The following ZNF469 variants were observed in gnomAD, a reference collection of about 807,000 sequenced individuals.
The protein encoded by ZNF469 is zinc finger protein 469.
Under a neutral mutation model 1.0 loss-of-function variants are expected in ZNF469, and 1 was observed. The observed-to-expected ratio is 1.00, with a 90% CI of 0.35 to 4.73. The LOEUF is 4.73. Among genes scored for constraint, ZNF469 ranks in the 30% most tolerant of loss-of-function variants. The pLI, the probability that ZNF469 is intolerant of heterozygous loss-of-function variation, is 0.16. For missense variants in ZNF469, 6,100 were observed against 5,356.3 expected (o/e 1.14, Z -4.33); for synonymous variants, 2,703 against 2,363.4 (o/e 1.14, Z -4.17).
the ZNF469 span, among the ~76,000 whole-genome samples, chr16:88,304,404 A>C: frequency 1.3e-5 from 2 of 152,226 alleles, no homozygotes; most frequent in South Asian, 4.1e-4. Flanking sequence ...GAAACTGAGA[A>C]GGGCCAGGAC....
the ZNF469 span, among the ~76,000 whole-genome samples, chr16:88,369,296 G>T: frequency 6.6e-6 from 1 of 152,174 alleles, no homozygotes; most frequent in South Asian, 2.1e-4. Context: ...CTGCCCTTGG[G>T]ACGCCACATG....
the ZNF469 span, among the ~76,000 whole-genome samples, chr16:88,286,897 A>G: frequency 2.6e-4 from 39 of 152,152 alleles, no homozygotes; most frequent in Admixed American, 1.2e-3. Context: ...GCTCTGGGGA[A>G]CTCGCTCAGG....
rs1365341183 is a variant in ZNF469, at chr16:88,428,105, A to C, written c.635A>C (p.Gln212Pro). 6.5e-7 allele frequency: 1 copy of C among 1,549,486 alleles called. No individual in the cohort carries two copies. The highest frequency in any genetic ancestry group is 8.7e-7 in the Non-Finnish European group (1 of 1,146,544). ...AGGCCCCCAGCCCCGGGGCCCCCCC[A>C]GAGCAGGGGCACCAGCCCCCTCCAG... ...TPRPPAPGPP[Q>P]SRGTSPLQPG... is the part of the protein sequence containing the mutation. The change falls in exon 3 of 3, where the codon CAG (glutamine) becomes CCG (proline). Residue 212 changes from glutamine (Q) to proline (P), a missense_variant. Gln to Pro is a moderately conservative substitution (Grantham distance 76). Coordinates refer to ENST00000565624, the MANE Select transcript of ZNF469 (RefSeq NM_001367624.2).
chr16:88,148,868 G>A, the ZNF469 span, among the ~76,000 whole-genome samples: 5 of 152,144 alleles, frequency 3.3e-5, no homozygotes, highest in African/African-American at 1.2e-4. Flanking sequence ...CTCTTGTGCC[G>A]GGGGGTTCAT....
At chr16:88,350,171 G>A in the ZNF469 span, among the ~76,000 whole-genome samples, 4 of 152,184 alleles carry the variant, frequency 2.6e-5, no homozygotes, top group Admixed American at 1.3e-4. Context: ...CACTGTCCAC[G>A]TTTAAACACA....
the ZNF469 span, among the ~76,000 whole-genome samples, chr16:88,359,551 C>T: frequency 2.6e-5 from 4 of 152,234 alleles, no homozygotes; most frequent in East Asian, 1.9e-4. Flanking sequence ...TCTTAAACAT[C>T]GTTGGCTATC....
chr16:88,239,695 ATATATATATATATATATATATTTTTTTTT>A, the ZNF469 span, among the ~76,000 whole-genome samples: 12 of 5,722 alleles, frequency 2.1e-3, 2 homozygotes, highest in Non-Finnish European at 2.6e-3. Context: ...ATATATATAT[ATATATATATATATATATATATTTTTTTTT>A]TTTTTTTTTT....
chr16:88,403,465 C>T (rs12102870), intron 1 of ZNF469, among the ~76,000 whole-genome samples: 64,287 of 151,756 alleles, frequency 0.42, 13,763 homozygotes, highest in Middle Eastern at 0.46. Flanking sequence ...GAGCTCACAC[C>T]GCCATCTCGG....
chr16:88,432,833 G>A lies in ZNF469; in HGVS notation c.5363G>A (p.Arg1788Gln), dbSNP rs763345014. 1.4e-5 allele frequency: 22 copies of A among 1,550,330 alleles called. No homozygotes were observed. In the South Asian group the frequency reaches 1.9e-4, roughly 13 times the overall value. Residue 1788 changes from arginine (R) to glutamine (Q), a missense_variant, in exon 3 of 3, where the codon CGA (arginine) becomes CAA (glutamine). Arg to Gln is a conservative substitution (Grantham distance 43, BLOSUM62 1). Transcript: ENST00000565624. The part of the protein sequence containing the change: ...PEPGTADQPH[R>Q]GAPAPEAFGS... ...CCCGGCACAGCAGACCAGCCCCACC[G>A]AGGGGCCCCTGCTCCAGAAGCTTTT...
the ZNF469 span, among the ~76,000 whole-genome samples, chr16:88,224,017 G>T: frequency 4.6e-4 from 70 of 152,212 alleles, no homozygotes; most frequent in Non-Finnish European, 8.5e-4. Context: ...TAATGTGGAT[G>T]ATTTTCTTTC....
chr16:88,235,366 T>A, the ZNF469 span, among the ~76,000 whole-genome samples: 4 of 152,172 alleles, frequency 2.6e-5, no homozygotes, highest in African/African-American at 9.7e-5. Context: ...GGCTCTCTCC[T>A]TTGAGTGGCC....
At chr16:88,360,183 A>G in the ZNF469 span, among the ~76,000 whole-genome samples, 171 of 151,372 alleles carry the variant, frequency 1.1e-3, 1 homozygote, top group African/African-American at 3.1e-3. Context: ...ATCACGCCCA[A>G]CTAATTTTGT....
At chr16:88,349,048 C>A in the ZNF469 span, among the ~76,000 whole-genome samples, 699 of 152,302 alleles carry the variant, frequency 4.6e-3, 5 homozygotes, top group African/African-American at 0.016. Context: ...CTGACCATTT[C>A]CATCGCTTTA....
chr16:88,102,603 C>T, the ZNF469 span, among the ~76,000 whole-genome samples: 3 of 152,254 alleles, frequency 2.0e-5, no homozygotes, highest in Admixed American at 6.5e-5. Context: ...TCCTGGCCAC[C>T]CTTCGGCTCT....
chr16:88,200,393 C>T, the ZNF469 span, among the ~76,000 whole-genome samples: 1 of 152,340 alleles, frequency 6.6e-6, no homozygotes, highest in East Asian at 1.9e-4. Context: ...CGCTCCAATG[C>T]TCACGCCCCA....
chr16:88,437,017 G>C lies in ZNF469; in HGVS notation c.9547G>C (p.Glu3183Gln). The part of the protein sequence containing the change: ...GPWACGMCLK[E>Q]VADVWMYNEH... ...CTGGGCGTGCGGCATGTGCCTGAAGGAGGTGGCCGACGTCTGGATGTACAA... is the reference window on the plus strand; with the variant it reads ...CTGGGCGTGCGGCATGTGCCTGAAGCAGGTGGCCGACGTCTGGATGTACAA... Residue 3183 changes from glutamate to glutamine, a missense_variant, in exon 3 of 3, where the codon GAG becomes CAG. Coordinates refer to ENST00000565624, the MANE Select transcript of ZNF469 (RefSeq NM_001367624.2). The C allele has an allele frequency of 6.5e-7, 1 of 1,527,624 alleles. No homozygotes were observed. The highest frequency in any genetic ancestry group is 8.8e-7 in the Non-Finnish European group (1 of 1,139,658). The allele number at this position is 1,527,624 out of a possible 1,614,324, so 94.6% of individuals were successfully genotyped here.
At chr16:88,111,488 A>C in the ZNF469 span, among the ~76,000 whole-genome samples, 1 of 143,062 alleles carries the variant, frequency 7.0e-6, no homozygotes, top group Non-Finnish European at 1.5e-5. Context: ...AATAGGTCTT[A>C]TGCATTTCTT....
chr16:88,137,777 C>T, the ZNF469 span, among the ~76,000 whole-genome samples: 4 of 152,162 alleles, frequency 2.6e-5, no homozygotes, highest in Admixed American at 6.5e-5. Flanking sequence ...TTCTTTACAA[C>T]TGAGGAGGAG....
chr16:88,413,165 T>C (rs1905219985), intron 1 of ZNF469, among the ~76,000 whole-genome samples: 2 of 152,086 alleles, frequency 1.3e-5, no homozygotes. Context: ...AAAATCTGGG[T>C]CCCCGCACGC....
Sources: gnomAD v4.1 joint callset for allele counts (sites outside exome capture counted in the v4.1 genomes callset) on GRCh38, gnomAD v4.1.1 for gene constraint, MANE v1.5 for transcripts, NCBI Gene and HGNC (gene_info 2026-07-23, HGNC 2026-07-21) for gene names.